Variants in CHN1 observed in about 807,000 individuals in gnomAD.
CHN1 encodes the protein N-chimaerin.
In CHN1, 37 loss-of-function variants were observed where a neutral mutation model predicts 59.5. The observed-to-expected ratio is 0.62, with a 90% CI of 0.48 to 0.82. The LOEUF (loss-of-function observed/expected upper bound fraction) is 0.82. Ranked by LOEUF, CHN1 falls within the 40% of genes least tolerant of loss-of-function variation. The probability of loss-of-function intolerance (pLI) is 0.00; values close to 1 mark genes in which losing one functional copy is unlikely to be tolerated. For synonymous variants in CHN1, 206 were observed against 200.4 expected, an observed-to-expected ratio of 1.03 and a Z score of -0.24; for missense variants, 469 against 571.0, an observed-to-expected ratio of 0.82 and a Z score of 1.82.
chr2:174,830,101 C>T (rs62183316), intron 7 of CHN1, among the ~76,000 whole-genome samples: 6,119 of 152,022 alleles, frequency 0.04, 176 homozygotes, highest in Admixed American at 0.094. Context: ...GGTGTGGTGG[C>T]GGGCACCTGT....
chr2:174,862,336 C>CTT (rs1271683275), intron 6 of CHN1, among the ~76,000 whole-genome samples: 4 of 141,256 alleles, frequency 2.8e-5, no homozygotes, highest in Non-Finnish European at 3.1e-5. Flanking sequence ...ACCAACGATA[C>CTT]TTTTTTTTTT....
At chr2:174,846,306 T>C (rs925651937) in intron 7 of CHN1, 1 of 1,546,582 alleles carries the variant, frequency 6.5e-7, no homozygotes, top group Non-Finnish European at 8.7e-7. Flanking sequence ...AAACTACACA[T>C]ACGCATACAT....
chr2:174,959,386 T>G (rs1158038703), intron 1 of CHN1, among the ~76,000 whole-genome samples: 5 of 152,018 alleles, frequency 3.3e-5, no homozygotes, highest in African/African-American at 1.2e-4. Context: ...AGTTGACCAG[T>G]GGGTAGGTGC....
At chr2:174,971,319 T>TA (rs1263156674) in intron 1 of CHN1, among the ~76,000 whole-genome samples, 8 of 151,468 alleles carry the variant, frequency 5.3e-5, no homozygotes, top group South Asian at 2.1e-4. Flanking sequence ...CTCCGTCTCT[T>TA]AAAAAAAAAG....
chr2:174,836,190 A>G (rs958845630), intron 7 of CHN1, among the ~76,000 whole-genome samples: 6 of 152,172 alleles, frequency 3.9e-5, no homozygotes, highest in Admixed American at 6.5e-5. Flanking sequence ...GCCTCCAAGC[A>G]GTAAGAGTGA....
chr2:174,869,700 G>A (rs985202677), intron 6 of CHN1, among the ~76,000 whole-genome samples: 16 of 152,102 alleles, frequency 1.1e-4, no homozygotes, highest in African/African-American at 3.9e-4. Context: ...TTGGAAACAT[G>A]GAGACATGGG....
At chr2:174,806,555 C>T (rs1684890983) in intron 11 of CHN1, among the ~76,000 whole-genome samples, 1 of 152,094 alleles carries the variant, frequency 6.6e-6, no homozygotes, top group African/African-American at 2.4e-5. Flanking sequence ...TCAAGTGAGC[C>T]AGGCAGTGTG....
intron 3 of CHN1, among the ~76,000 whole-genome samples, chr2:174,944,442 T>C (rs901503595): frequency 6.6e-6 from 1 of 152,214 alleles, no homozygotes; most frequent in Non-Finnish European, 1.5e-5. Flanking sequence ...TCAATGAAAT[T>C]TGAACATCTT....
At chr2:174,939,848 T>C (rs934157134) in intron 3 of CHN1, among the ~76,000 whole-genome samples, 1 of 152,130 alleles carries the variant, frequency 6.6e-6, no homozygotes, top group Non-Finnish European at 1.5e-5. Flanking sequence ...ATATCTAAAC[T>C]GCAACTGGAC....
At chr2:174,815,171 G>A (rs889590913) in intron 8 of CHN1, among the ~76,000 whole-genome samples, 8 of 152,138 alleles carry the variant, frequency 5.3e-5, no homozygotes, top group Non-Finnish European at 1.0e-4. Context: ...AAGGCCAGGA[G>A]TTTGAGACAA....
chr2:174,864,546 C>G (rs973197032), intron 6 of CHN1, among the ~76,000 whole-genome samples: 1 of 152,110 alleles, frequency 6.6e-6, no homozygotes, highest in Non-Finnish European at 1.5e-5. Context: ...TTACCTGTAT[C>G]TCATTCTACT....
At chr2:174,839,412 AAGTC>A (rs1468690863) in intron 7 of CHN1, among the ~76,000 whole-genome samples, 1 of 152,184 alleles carries the variant, frequency 6.6e-6, no homozygotes, top group Non-Finnish European at 1.5e-5. Context: ...TAAGTGAAAT[AAGTC>A]AGTCACAGAA....
At chr2:174,969,654 G>A (rs1052572399) in intron 1 of CHN1, among the ~76,000 whole-genome samples, 2 of 151,652 alleles carry the variant, frequency 1.3e-5, no homozygotes, top group Admixed American at 1.3e-4. Context: ...AGCCTTCCTT[G>A]TCATTTAAAA....
intron 1 of CHN1, among the ~76,000 whole-genome samples, chr2:174,956,771 C>CA (rs34248216): frequency 4.7e-3 from 491 of 104,460 alleles, no homozygotes; most frequent in African/African-American, 0.011. Context: ...GACTCCATCT[C>CA]AAAAAAAAAA....
intron 6 of CHN1, among the ~76,000 whole-genome samples, chr2:174,874,872 CTTTTTTTTT>C (rs11406785): frequency 8.1e-6 from 1 of 122,714 alleles, no homozygotes; most frequent in Non-Finnish European, 1.6e-5. Flanking sequence ...TTTATTTATT[CTTTTTTTTT>C]TTTTTTTTTG....
chr2:174,958,528 G>C (rs1690290661), intron 1 of CHN1, among the ~76,000 whole-genome samples: 1 of 152,172 alleles, frequency 6.6e-6, no homozygotes, highest in African/African-American at 2.4e-5. Flanking sequence ...AGATCATTCT[G>C]ACTTTGGAGA....
chr2:174,871,587 G>A (rs1278422401), intron 6 of CHN1, among the ~76,000 whole-genome samples: 2 of 152,086 alleles, frequency 1.3e-5, no homozygotes, highest in East Asian at 1.9e-4. Context: ...TTTCTTATTC[G>A]TGATTCTGAA....
At chr2:174,946,744 G>T (rs1353211168) in intron 2 of CHN1, among the ~76,000 whole-genome samples, 2 of 151,646 alleles carry the variant, frequency 1.3e-5, no homozygotes, top group East Asian at 1.9e-4. Flanking sequence ...CTTAAAAATG[G>T]CCAAACCATG....
intron 1 of CHN1, among the ~76,000 whole-genome samples, chr2:174,968,826 G>A (rs1245484681): frequency 1.3e-5 from 2 of 152,218 alleles, no homozygotes; most frequent in Non-Finnish European, 1.5e-5. Context: ...AAAAGTGGAA[G>A]TATTTTTATA....
Sources: gnomAD v4.1 joint callset for allele counts (sites outside exome capture counted in the v4.1 genomes callset) on GRCh38, gnomAD v4.1.1 for gene constraint, MANE v1.5 for transcripts, NCBI Gene and HGNC (gene_info 2026-07-23, HGNC 2026-07-21) for gene names.